HTR1F: variants seen among roughly 807,000 people sequenced by gnomAD.
The protein encoded by HTR1F is 5-hydroxytryptamine (serotonin) receptor 1F, G protein-coupled.
In HTR1F, 17 loss-of-function variants were observed where a neutral mutation model predicts 24.0. The ratio of observed to expected loss-of-function variants is 0.71; its 90% CI spans 0.48 to 1.06. HTR1F has a LOEUF of 1.06. Ranked by LOEUF, HTR1F falls within the 50% of genes least tolerant of loss-of-function variation. The pLI is 0.00. For missense variants in HTR1F, 391 were observed against 427.8 expected (o/e 0.91, Z 0.76); for synonymous variants, 186 against 156.8 (o/e 1.19, Z -1.39).
chr3:87,839,417 G>A (rs1269730587), intron 2 of HTR1F, among the ~76,000 whole-genome samples: 1 of 152,026 alleles, frequency 6.6e-6, no homozygotes, highest in Non-Finnish European at 1.5e-5. Flanking sequence ...TGTTCTGTGT[G>A]TCTGTTTTTA....
chr3:87,927,852 CT>C (rs2107395662), intron 2 of HTR1F, among the ~76,000 whole-genome samples: 1 of 152,134 alleles, frequency 6.6e-6, no homozygotes, highest in African/African-American at 2.4e-5. Flanking sequence ...AATATTAATA[CT>C]AGTTAAATAA....
At chr3:87,903,838 C>A (rs917730255) in intron 2 of HTR1F, among the ~76,000 whole-genome samples, 1 of 152,102 alleles carries the variant, frequency 6.6e-6, no homozygotes, top group Non-Finnish European at 1.5e-5. Flanking sequence ...ATGTTTATTG[C>A]GGCACTATTC....
chr3:87,925,097 A>G (rs896545895), intron 2 of HTR1F, among the ~76,000 whole-genome samples: 1 of 151,400 alleles, frequency 6.6e-6, no homozygotes, highest in Non-Finnish European at 1.5e-5. Flanking sequence ...TTCAGCTGTA[A>G]TCAACATCAG....
chr3:87,913,784 G>A (rs7631129), intron 2 of HTR1F, among the ~76,000 whole-genome samples: 27,240 of 152,062 alleles, frequency 0.18, 2,656 homozygotes, highest in African/African-American at 0.27. Context: ...GTCCTTTGCA[G>A]CAACATGGGT....
At chr3:87,941,292 C>T (rs1476197877) in intron 2 of HTR1F, among the ~76,000 whole-genome samples, 2 of 152,178 alleles carry the variant, frequency 1.3e-5, no homozygotes, top group African/African-American at 2.4e-5. Flanking sequence ...GCCTGTAATG[C>T]CAAGGAACCC....
chr3:87,932,693 A>C lies in HTR1F; in HGVS notation c.-42-58015A>C. Among the ~76,000 whole-genome samples, 2 of 152,030 alleles carry C rather than the reference A, an allele frequency of 1.3e-5. 1 individual carries two copies. Among genetic ancestry groups the C allele is most frequent in the East Asian group, 3.9e-4 (2 of 5,190 alleles). ...CTGAATAGACTAATAACAGGATCTG[A>C]AATTGTGGCAATAATCAATAGCTTA... On this transcript the variant is annotated intron_variant, in intron 2 of 2. Transcript: ENST00000319595.
At chr3:87,805,182 G>T (rs1559589114) in intron 1 of HTR1F, among the ~76,000 whole-genome samples, 1 of 151,186 alleles carries the variant, frequency 6.6e-6, no homozygotes, top group Non-Finnish European at 1.5e-5. Context: ...TTTGTAATAT[G>T]TTAACAACTT....
intron 2 of HTR1F, among the ~76,000 whole-genome samples, chr3:87,887,087 TA>T (rs1705965943): frequency 6.6e-6 from 1 of 152,118 alleles, no homozygotes; most frequent in South Asian, 2.1e-4. Flanking sequence ...ACTACAAGGC[TA>T]CAGTAACAAA....
intron 2 of HTR1F, among the ~76,000 whole-genome samples, chr3:87,889,893 T>C (rs538599244): frequency 6.6e-6 from 1 of 152,326 alleles, no homozygotes; most frequent in East Asian, 1.9e-4. Flanking sequence ...ACCAGGCACC[T>C]CCACTGAAAA....
intron 1 of HTR1F, among the ~76,000 whole-genome samples, chr3:87,814,519 G>T (rs185129986): frequency 2.2e-4 from 33 of 152,030 alleles, no homozygotes; most frequent in Non-Finnish European, 4.6e-4. Context: ...TGTAATCTAT[G>T]ACCAACTATC....
intron 2 of HTR1F, chr3:87,910,437 A>G (rs946175548): frequency 6.6e-6 from 1 of 152,064 alleles, no homozygotes; most frequent in Admixed American, 6.6e-5. Flanking sequence ...GTAAATATGT[A>G]TGCACCCAAC....
Position 87,991,728 on chromosome 3 carries a change from GA to G in HTR1F, c.982del (p.Met328CysfsTer15). The G allele has an allele frequency of 6.2e-7, 1 of 1,613,878 alleles. No homozygotes were observed. Among genetic ancestry groups the G allele is most frequent in the South Asian group, 1.1e-5 (1 of 91,050 alleles). ...CTGTGACAAATGTAAAATTTCTGAA[GA>G]AATGTCCAATTTTTTGGCATGGCTT... ...NVCDKCKISE[E>X]MSNFLAWLGY... On this transcript the variant is annotated frameshift_variant, in exon 3 of 3. Transcript: ENST00000319595. LOFTEE classifies it high-confidence loss of function.
chr3:87,808,229 A>C (rs1704104636), intron 1 of HTR1F, among the ~76,000 whole-genome samples: 1 of 151,900 alleles, frequency 6.6e-6, no homozygotes, highest in Non-Finnish European at 1.5e-5. Flanking sequence ...AGAATTTGGC[A>C]GTGAAACCAT....
At chr3:87,956,398 C>CCA (rs999084717) in intron 2 of HTR1F, among the ~76,000 whole-genome samples, 23 of 151,314 alleles carry the variant, frequency 1.5e-4, no homozygotes, top group African/African-American at 5.1e-4. Flanking sequence ...TTCACCAATA[C>CCA]CACACTGTCT....
At chr3:87,898,499 A>AT (rs1467431886) in intron 2 of HTR1F, among the ~76,000 whole-genome samples, 12 of 152,156 alleles carry the variant, frequency 7.9e-5, no homozygotes, top group African/African-American at 2.9e-4. Flanking sequence ...GCCTCAACAG[A>AT]TTAGCTATTA....
At chr3:87,823,960 G>A (rs1277319259) in intron 2 of HTR1F, among the ~76,000 whole-genome samples, 1 of 151,616 alleles carries the variant, frequency 6.6e-6, no homozygotes, top group Non-Finnish European at 1.5e-5. Context: ...GGGAGGCTGA[G>A]GCAGGAGAAT....
chr3:87,970,699 G>A (rs1270622243), intron 2 of HTR1F, among the ~76,000 whole-genome samples: 9 of 152,080 alleles, frequency 5.9e-5, no homozygotes, highest in Non-Finnish European at 1.0e-4. Context: ...TTCAAGACAC[G>A]GATTCCTTCC....
At chr3:87,888,140 T>TA (rs577697189) in intron 2 of HTR1F, among the ~76,000 whole-genome samples, 36 of 152,102 alleles carry the variant, frequency 2.4e-4, no homozygotes, top group Non-Finnish European at 4.1e-4. Context: ...TATGCAGACA[T>TA]AAAAAAAGAT....
intron 2 of HTR1F, among the ~76,000 whole-genome samples, chr3:87,961,634 T>G (rs1705062226): frequency 6.6e-6 from 1 of 151,962 alleles, no homozygotes; most frequent in African/African-American, 2.4e-5. Flanking sequence ...AACTTTAAAA[T>G]TTTTTTGAAC....
Sources: gnomAD v4.1 joint callset for allele counts (sites outside exome capture counted in the v4.1 genomes callset) on GRCh38, gnomAD v4.1.1 for gene constraint, MANE v1.5 for transcripts, NCBI Gene and HGNC (gene_info 2026-07-23, HGNC 2026-07-21) for gene names.